The following ZDHHC13 variants were observed in gnomAD, a reference collection of about 807,000 sequenced individuals.
ZDHHC13 encodes the protein palmitoyltransferase ZDHHC13.
Under a neutral mutation model 86.0 loss-of-function variants are expected in ZDHHC13, and 85 were observed. The ratio of observed to expected loss-of-function variants is 0.99; its 90% confidence interval spans 0.83 to 1.18. The LOEUF is 1.18. Ranked by LOEUF, ZDHHC13 falls within the 50% of genes most tolerant of loss-of-function variation. ZDHHC13 has a pLI of 0.00. For synonymous variants in ZDHHC13, 263 were observed against 246.4 expected (o/e 1.07, Z -0.63); for missense variants, 711 against 730.2 (o/e 0.97, Z 0.30).
intron 8 of ZDHHC13, among the ~76,000 whole-genome samples, 198 bp from the exon 9 acceptor site, chr11:19,155,598 A>T (rs1695103416): frequency 6.6e-6 from 1 of 152,038 alleles, no homozygotes; most frequent in African/African-American, 2.4e-5. Context: ...AAAAAAAAAA[A>T]AAAAGATTGT....
intron 2 of ZDHHC13, among the ~76,000 whole-genome samples, chr11:19,143,403 A>G (rs1405050220): frequency 1.3e-5 from 2 of 152,240 alleles, no homozygotes; most frequent in African/African-American, 4.8e-5. Flanking sequence ...TTCTTGTGTA[A>G]GGTACCCAAT....
chr11:19,158,730 G>A (rs1565037221), intron 9 of ZDHHC13, among the ~76,000 whole-genome samples: 1 of 152,108 alleles, frequency 6.6e-6, no homozygotes, highest in Non-Finnish European at 1.5e-5. Flanking sequence ...GAGAGTCGTT[G>A]TGCTTTAGTT....
At chr11:19,168,733 G>A in intron 14 of ZDHHC13, 2 of 896,064 alleles carry the variant, frequency 2.2e-6, no homozygotes, top group African/African-American at 3.6e-5. Flanking sequence ...CATTAATGCT[G>A]TATTACTAGA....
At chr11:19,140,050 C>A (rs1158976115) in intron 1 of ZDHHC13, among the ~76,000 whole-genome samples, 2 of 149,852 alleles carry the variant, frequency 1.3e-5, no homozygotes, top group East Asian at 2.0e-4. Context: ...GCAACAAAAG[C>A]CAAAATTGAC....
In ZDHHC13 at chr11:19,140,324, A is replaced by G. The variant is rs547008775; in HGVS notation, c.28-2654A>G. On this transcript the variant is annotated intron_variant, in intron 1 of 16. Coordinates refer to ENST00000446113, the MANE Select transcript of ZDHHC13 (RefSeq NM_019028.3). ...AAAGACATATGAAAAAATGCTCACC[A>G]TCACTGGCCATCAGAGAAATGCAAA... Among the ~76,000 whole-genome samples the G allele has an allele frequency of 5.3e-5, 8 of 152,354 alleles. No individual in the cohort carries two copies. In the South Asian group the frequency reaches 1.2e-3, roughly 24 times the overall value.
At chr11:19,158,108 T>A (rs1008089931) in intron 9 of ZDHHC13, among the ~76,000 whole-genome samples, 3 of 152,190 alleles carry the variant, frequency 2.0e-5, no homozygotes, top group Admixed American at 6.5e-5. Context: ...ATGTTGAGCA[T>A]CTAAAGTTTG....
Position 19,147,651 on chromosome 11 carries a change from A to G in ZDHHC13, c.352A>G (p.Thr118Ala), listed in dbSNP as rs769969649. ...VDQLGGDLNS[T>A]PLHWAIRQGH... is the part of the protein sequence containing the mutation. ...TCAGTTGGGTGGAGATTTAAATTCA[A>G]CTCCTCTTCACTGGGCCATCCGGTA... The change falls in exon 4 of 17, where the codon ACT becomes GCT. Residue 118 changes from threonine (T) to alanine (A), a missense_variant. Thr to Ala is a moderately conservative substitution (Grantham distance 58). Transcript: ENST00000446113. 5.0e-6 allele frequency: 8 copies of G among 1,600,346 alleles called. No homozygotes were observed. The African/African-American group carries it at 8.0e-5, about 16-fold the overall frequency.
chr11:19,135,738 AC>A (rs1417547891), intron 1 of ZDHHC13, among the ~76,000 whole-genome samples: 1 of 152,260 alleles, frequency 6.6e-6, no homozygotes, highest in East Asian at 1.9e-4. Context: ...GAACGGGCAG[AC>A]TGCCTCCTCA....
At chr11:19,136,595 G>A (rs1200614103) in intron 1 of ZDHHC13, among the ~76,000 whole-genome samples, 1 of 152,152 alleles carries the variant, frequency 6.6e-6, no homozygotes, top group African/African-American at 2.4e-5. Flanking sequence ...CTCGAGAAGA[G>A]CAACTCCAAG....
At chr11:19,171,284 A>G (rs1473171646) in intron 15 of ZDHHC13, among the ~76,000 whole-genome samples, 1 of 152,096 alleles carries the variant, frequency 6.6e-6, no homozygotes, top group African/African-American at 2.4e-5. Context: ...AATTCTCATT[A>G]TTGCTGTGTC....
chr11:19,147,784 T>A, intron 4 of ZDHHC13, 111 bp downstream of exon 4: 1 of 493,564 alleles, frequency 2.0e-6, no homozygotes, highest in Non-Finnish European at 3.2e-6. Flanking sequence ...CCCCCCCCCC[T>A]TTATTTAAAA....
intron 9 of ZDHHC13, 95 bp downstream of exon 9, chr11:19,156,024 T>G: frequency 7.1e-7 from 1 of 1,408,168 alleles, no homozygotes; most frequent in Non-Finnish European, 9.4e-7. Context: ...ATTTTTATCA[T>G]GCTGTAAATA....
intron 1 of ZDHHC13, among the ~76,000 whole-genome samples, chr11:19,119,016 CAT>C (rs1848703950): frequency 6.6e-6 from 1 of 152,246 alleles, no homozygotes; most frequent in Non-Finnish European, 1.5e-5. Flanking sequence ...TTACTGCTCT[CAT>C]TGAATTTGGT....
At chr11:19,119,982 A>T (rs75331719) in intron 1 of ZDHHC13, among the ~76,000 whole-genome samples, 2 of 152,176 alleles carry the variant, frequency 1.3e-5, no homozygotes, top group Non-Finnish European at 2.9e-5. Context: ...AATGCCTGTC[A>T]TTGGAGTTTA....
rs540956835 is a variant in ZDHHC13, at chr11:19,156,010, A to G, written c.1007+81A>G. On this transcript the variant is annotated intron_variant, in intron 9 of 16. Transcript: ENST00000446113. The stretch of plus-strand genomic sequence containing the variant: ...TTTCTGTTGTTGGTTAGCTGGAGTC[A>G]CAGATTTTTATCATGCTGTAAATAT... 4.1e-6 allele frequency: 6 copies of G among 1,457,834 alleles called. No homozygotes were observed. In the Admixed American group the frequency reaches 1.1e-4, roughly 27 times the overall value. 90.3% of individuals were successfully genotyped at this position (1,457,834 alleles called of 1,614,324 possible).
intron 2 of ZDHHC13, 73 bp from the exon 3 acceptor site, chr11:19,146,108 G>A: frequency 3.5e-6 from 5 of 1,441,296 alleles, no homozygotes; most frequent in Non-Finnish European, 4.6e-6. Context: ...AAAAGATATA[G>A]TAAAGTGAAG....
Position 19,152,206 on chromosome 11 carries a change from G to T in ZDHHC13, c.633G>T (p.Val211=). 1 of 1,613,120 alleles carries T rather than the reference G, an allele frequency of 6.2e-7. No homozygotes were observed. The highest frequency in any genetic ancestry group is 8.5e-7 in the Non-Finnish European group (1 of 1,179,396). Residue 211 remains valine, a synonymous_variant, in exon 7 of 17, where the codon GTG becomes GTT. Coordinates refer to ENST00000446113, the MANE Select transcript of ZDHHC13 (RefSeq NM_019028.3). The part of the protein sequence containing the change: ...FLLKFNPSLN[V]VDKIHQNTPL... ...TAAAGTTTAATCCTTCTCTCAATGTGGTTGATAAAATACACCAAAACACTC... is the reference window on the plus strand; with the variant it reads ...TAAAGTTTAATCCTTCTCTCAATGTTGTTGATAAAATACACCAAAACACTC...
chr11:19,144,432 A>AGAGTGTGTGTGTGTGTGTGT (rs377410572), intron 2 of ZDHHC13, among the ~76,000 whole-genome samples: 1 of 143,074 alleles, frequency 7.0e-6, no homozygotes, highest in African/African-American at 2.6e-5. Flanking sequence ...AGAGCTATGG[A>AGAGTGTGTGTGTGTGTGTGT]GTGTGTGTGT....
chr11:19,143,261 A>T (rs1750580405), intron 2 of ZDHHC13, 138 bp downstream of exon 2: 6 of 907,776 alleles, frequency 6.6e-6, no homozygotes, highest in East Asian at 5.3e-5. Context: ...TATATTTGTC[A>T]TACCAACACC....
Sources: gnomAD v4.1 joint callset for allele counts (sites outside exome capture counted in the v4.1 genomes callset) on GRCh38, gnomAD v4.1.1 for gene constraint, MANE v1.5 for transcripts, NCBI Gene and HGNC (gene_info 2026-07-23, HGNC 2026-07-21) for gene names.